ABLIM1: variants seen among roughly 807,000 people sequenced by gnomAD.
The protein encoded by ABLIM1 is actin binding LIM protein 1.
Under a neutral mutation model 107.0 loss-of-function variants are expected in ABLIM1, and 40 were observed. The ratio of observed to expected loss-of-function variants is 0.37; its 90% CI spans 0.29 to 0.49. The LOEUF is 0.49. ABLIM1 is among the 20% of genes least tolerant of loss of function. ABLIM1 has a pLI of 0.97. For synonymous variants in ABLIM1, 357 were observed against 357.3 expected (o/e 1.00, Z 0.01); for missense variants, 857 against 1,008.5 (o/e 0.85, Z 2.04).
intron 6 of ABLIM1, among the ~76,000 whole-genome samples, chr10:114,544,777 T>C (rs539251318): frequency 6.6e-6 from 1 of 152,272 alleles, no homozygotes; most frequent in Admixed American, 6.5e-5. Flanking sequence ...CCAGAACCTT[T>C]ATCATTCTTT....
chr10:114,681,472 G>C (rs1032940973), intron 1 of ABLIM1, among the ~76,000 whole-genome samples: 2 of 152,214 alleles, frequency 1.3e-5, no homozygotes, highest in African/African-American at 4.8e-5. Context: ...TGGGATTATA[G>C]GCATGAGCCA....
intron 4 of ABLIM1, among the ~76,000 whole-genome samples, chr10:114,548,681 G>C (rs561287190): frequency 1.4e-4 from 22 of 152,344 alleles, no homozygotes; most frequent in Non-Finnish European, 2.9e-4. Flanking sequence ...GTATTAAAAA[G>C]AAACCAGAAG....
At chr10:114,534,536 G>T (rs7893570) in intron 6 of ABLIM1, among the ~76,000 whole-genome samples, 1 of 151,322 alleles carries the variant, frequency 6.6e-6, no homozygotes, top group Non-Finnish European at 1.5e-5. Context: ...ACTCCAGGAG[G>T]TTTTCAGCTT....
At position 114,608,159 on chromosome 10, in the gene ABLIM1, G is replaced by A. The variant is rs539041471; in HGVS notation, c.245-6198C>T. 5.9e-5 allele frequency among the ~76,000 whole-genome samples: 9 copies of A among 152,298 alleles called. No homozygotes were observed. The South Asian group carries it at 1.9e-3, about 32-fold the overall frequency. On this transcript the variant is annotated intron_variant, in intron 1 of 22. Coordinates refer to ENST00000533213, the MANE Select transcript of ABLIM1 (RefSeq NM_002313.7). ...GTGCGTGGATCATTTGAGGTCAGGA[G>A]TTCAAGACCAGCCTGGCCAACATGG...
chr10:114,587,707 C>A (rs2074350027), intron 2 of ABLIM1, among the ~76,000 whole-genome samples: 1 of 152,180 alleles, frequency 6.6e-6, no homozygotes, highest in African/African-American at 2.4e-5. Flanking sequence ...AGCCCCCACA[C>A]CTGACTATGC....
At chr10:114,547,580 C>A in intron 5 of ABLIM1, 70 bp downstream of exon 5, 1 of 1,595,690 alleles carries the variant, frequency 6.3e-7, no homozygotes, top group South Asian at 1.1e-5. Flanking sequence ...GCCCCTGAGA[C>A]CAGGACCTGC....
At chr10:114,587,125 C>A (rs973572952) in intron 2 of ABLIM1, among the ~76,000 whole-genome samples, 1 of 152,170 alleles carries the variant, frequency 6.6e-6, no homozygotes. Flanking sequence ...TTTTCCCAAG[C>A]TTTTCATAGA....
chr10:114,660,051 G>A (rs563957318), upstream of ABLIM1, among the ~76,000 whole-genome samples: 10 of 152,244 alleles, frequency 6.6e-5, no homozygotes, highest in South Asian at 4.1e-4. Context: ...AGAAACAGAC[G>A]CTGTCTAGAG....
rs968364943 is a variant in ABLIM1 at position 114,707,209 on chromosome 10, A to C, written c.-213+60852T>G. On this transcript the variant is annotated intron_variant, in intron 1 of 15. Coordinates refer to the ABLIM1 transcript ENST00000651092. The surrounding 1 kb of genome is among the most constrained non-coding windows in gnomAD (Gnocchi z 4.1). ...GTGCAATTAGAGACCATCATATCCC[A>C]AAGTTCTCCAGTAAGGGTTCAGTTT... Among the ~76,000 whole-genome samples the C allele has an allele frequency of 6.6e-5, 10 of 152,128 alleles. No individual in the cohort carries two copies. Among genetic ancestry groups the C allele is most frequent in the African/African-American group, 1.9e-4 (8 of 41,416 alleles).
At chr10:114,748,582 A>G (rs2082435980) in intron 1 of ABLIM1, among the ~76,000 whole-genome samples, 2 of 40,548 alleles carry the variant, frequency 4.9e-5, no homozygotes, top group Admixed American at 2.8e-4. Context: ...GCCTGTTTCA[A>G]AAAAAAAAAA....
intron 12 of ABLIM1, among the ~76,000 whole-genome samples, chr10:114,462,763 T>C (rs1348662847): frequency 1.3e-5 from 2 of 151,618 alleles, no homozygotes; most frequent in Non-Finnish European, 2.9e-5. Flanking sequence ...ATAATATATA[T>C]ATATATATTT....
chr10:114,561,590 G>A (rs769078927), intron 4 of ABLIM1, among the ~76,000 whole-genome samples: 14 of 152,020 alleles, frequency 9.2e-5, no homozygotes, highest in Non-Finnish European at 1.9e-4. Flanking sequence ...TATCCTTCCA[G>A]GAACAATCTG....
chr10:114,798,142 C>A, the ABLIM1 span, among the ~76,000 whole-genome samples: 1 of 152,072 alleles, frequency 6.6e-6, no homozygotes, highest in Non-Finnish European at 1.5e-5. Flanking sequence ...TGCTATTGGC[C>A]GGGCGCGGTG....
intron 2 of ABLIM1, among the ~76,000 whole-genome samples, chr10:114,586,487 A>G (rs770531309): frequency 4.3e-4 from 66 of 152,222 alleles, no homozygotes; most frequent in Admixed American, 1.4e-3. Context: ...AAAGAAAAAG[A>G]AGTCAGGGTA....
intron 1 of ABLIM1, among the ~76,000 whole-genome samples, chr10:114,708,528 C>G (rs1397270164): frequency 6.6e-6 from 1 of 152,064 alleles, no homozygotes; most frequent in Admixed American, 6.5e-5. Flanking sequence ...TTGTGTATTT[C>G]TGGCAAAAGA....
chr10:114,633,567 G>C (rs11196819), intron 1 of ABLIM1, among the ~76,000 whole-genome samples: 59,764 of 151,938 alleles, frequency 0.39, 12,988 homozygotes, highest in Non-Finnish European at 0.5. Flanking sequence ...GCCCCATAAG[G>C]TCATGTTTTT....
At chr10:114,562,859 C>A (rs2069964599) in intron 4 of ABLIM1, among the ~76,000 whole-genome samples, 2 of 152,090 alleles carry the variant, frequency 1.3e-5, no homozygotes, top group South Asian at 2.1e-4. Flanking sequence ...AAGAAAAAAA[C>A]CCCAAACAAA....
intron 5 of ABLIM1, 115 bp downstream of exon 5, chr10:114,547,535 G>A: frequency 7.3e-7 from 1 of 1,364,852 alleles, no homozygotes; most frequent in Non-Finnish European, 9.9e-7. Flanking sequence ...ATGATGGCAG[G>A]ATGTGAACAA....
intron 6 of ABLIM1, among the ~76,000 whole-genome samples, chr10:114,508,426 C>T (rs2061433219): frequency 6.6e-6 from 1 of 152,242 alleles, no homozygotes. Flanking sequence ...TGGCCAGATG[C>T]AATGGCTCAT....
Sources: gnomAD v4.1 joint callset for allele counts (sites outside exome capture counted in the v4.1 genomes callset) on GRCh38, gnomAD v4.1.1 for gene constraint, Gnocchi (gnomAD v3.1) non-coding constraint, MANE v1.5 for transcripts, NCBI Gene and HGNC (gene_info 2026-07-23, HGNC 2026-07-21) for gene names.